The following LGALS14 variants were observed in gnomAD, a reference collection of about 807,000 sequenced individuals.
LGALS14 encodes the protein placental protein 13-like.
Under a neutral mutation model 14.6 loss-of-function variants are expected in LGALS14, and 14 were observed. The ratio of observed to expected loss-of-function variants is 0.96; its 90% confidence interval spans 0.64 to 1.50. The LOEUF (loss-of-function observed/expected upper bound fraction) is 1.50, where lower values mean the gene tolerates loss of function less well. LGALS14 is among the 40% of genes most tolerant of loss of function. The probability of loss-of-function intolerance (pLI) is 0.00; values close to 1 mark genes in which losing one functional copy is unlikely to be tolerated. For synonymous variants in LGALS14, 57 were observed against 63.9 expected, an observed-to-expected ratio of 0.89 and a Z score of 0.51; for missense variants, 180 against 172.0, an observed-to-expected ratio of 1.05 and a Z score of -0.26.
intron 2 of LGALS14, 90 bp from the exon 3 acceptor site, chr19:39,707,088 G>T: frequency 9.5e-7 from 1 of 1,051,940 alleles, no homozygotes; most frequent in South Asian, 1.3e-5. Flanking sequence ...TTTTGCCCTG[G>T]GTAAAGGGGG....
At chr19:39,708,736 C>G (rs1973754527) in intron 3 of LGALS14, among the ~76,000 whole-genome samples, 1 of 152,156 alleles carries the variant, frequency 6.6e-6, no homozygotes, top group African/African-American at 2.4e-5. Flanking sequence ...TCATTCTTTG[C>G]CACTAACACC....
intron 2 of LGALS14, 54 bp downstream of exon 2, chr19:39,706,727 G>T: frequency 2.1e-6 from 3 of 1,422,992 alleles, no homozygotes; most frequent in Non-Finnish European, 3.0e-6. Flanking sequence ...GAGAATATTT[G>T]CTAAGGGTTT....
chr19:39,706,176 T>C (rs371126680), intron 1 of LGALS14, among the ~76,000 whole-genome samples: 1 of 152,176 alleles, frequency 6.6e-6, no homozygotes, highest in South Asian at 2.1e-4. Context: ...TCAGGAGGAC[T>C]CCCCTGTTCT....
rs1009020039 is a variant in LGALS14 at position 39,709,238 on chromosome 19, A to T, written c.345A>T (p.Arg115=). 1.9e-6 allele frequency: 3 copies of T among 1,613,550 alleles called. No individual in the cohort carries two copies. The highest frequency in any genetic ancestry group is 2.5e-6 in the Non-Finnish European group (3 of 1,179,700). The change falls in exon 4 of 4, where the codon CGA becomes CGT. Residue 115 remains arginine, a synonymous_variant. Coordinates refer to ENST00000392052, the MANE Select transcript of LGALS14 (RefSeq NM_020129.3). ...NGQRIYNFAH[R]FPPASVKMLQ... ...AACGCATTTACAACTTTGCCCATCG[A>T]TTCCCGCCAGCATCTGTGAAGATGC...
chr19:39,708,439 C>T (rs1292499114), intron 3 of LGALS14, among the ~76,000 whole-genome samples: 1 of 151,822 alleles, frequency 6.6e-6, no homozygotes, highest in African/African-American at 2.4e-5. Flanking sequence ...TTTCCCAATA[C>T]TTATACTGGA....
chr19:39,707,148 T>G, intron 2 of LGALS14, 30 bp from the exon 3 acceptor site: 1 of 1,558,102 alleles, frequency 6.4e-7, no homozygotes, highest in Non-Finnish European at 8.9e-7. Context: ...TGGGGGGACC[T>G]GCCCAACATG....
rs777143589 is a variant in LGALS14, at chr19:39,707,260, G to A, written c.175G>A (p.Gly59Ser). 2 of 1,614,094 alleles carry A rather than the reference G, an allele frequency of 1.2e-6. No homozygotes were observed. The highest frequency in any genetic ancestry group is 1.7e-6 in the Non-Finnish European group (2 of 1,179,934). The change falls in exon 3 of 4, where the codon GGT (glycine) becomes AGT (serine). Residue 59 changes from glycine to serine, a missense_variant. Coordinates refer to ENST00000392052, the MANE Select transcript of LGALS14 (RefSeq NM_020129.3). ...TGCTTTCCAATTCCGACTGCACTTT[G>A]GTCATCCTGCAATCATGAACAGTTG... ...DIAFQFRLHF[G>S]HPAIMNSCVF...
Position 39,709,093 on chromosome 19 carries a change from G to A in LGALS14, c.304-104G>A, listed in dbSNP as rs1973759366. On this transcript the variant is annotated intron_variant, in intron 3 of 3. Transcript: ENST00000392052. ...TCTACTAGGTTCACTTGTGTAACTAGGAGTTTTCATGGGGAAGGTTATTTG... is the reference window on the plus strand; with the variant it reads ...TCTACTAGGTTCACTTGTGTAACTAAGAGTTTTCATGGGGAAGGTTATTTG... The A allele has an allele frequency of 1.3e-5, 10 of 778,820 alleles. No individual in the cohort carries two copies. The South Asian group carries it at 1.4e-4, about 11-fold the overall frequency. The allele number at this position is 778,820 out of a possible 1,614,324, so 48.2% of individuals were successfully genotyped here. A position where few individuals can be genotyped will look rare whatever the true frequency, so the allele number is the denominator to read the frequency against.
chr19:39,707,368 G>A lies in LGALS14; in HGVS notation c.283G>A (p.Val95Met). 6.2e-7 allele frequency: 1 copy of A among 1,614,040 alleles called. No homozygotes were observed. The highest frequency in any genetic ancestry group is 8.5e-7 in the Non-Finnish European group (1 of 1,179,920). ...DGKPFELCIY[V>M]RHKEYKVMVN... Reference sequence around the variant, plus strand: ...CAAACCATTTGAGCTGTGCATCTATGTGCGTCACAAGGAATACAAGGTGAG... The same window carrying A: ...CAAACCATTTGAGCTGTGCATCTATATGCGTCACAAGGAATACAAGGTGAG... Residue 95 changes from valine (V) to methionine (M), a missense_variant, in exon 3 of 4, where the codon GTG becomes ATG. Val to Met is a conservative substitution (Grantham distance 21). Transcript: ENST00000392052.
intron 3 of LGALS14, 44 bp from the exon 4 acceptor site, chr19:39,709,153 G>C (rs751734737): frequency 8.1e-7 from 1 of 1,236,506 alleles, no homozygotes; most frequent in Non-Finnish European, 1.2e-6. Flanking sequence ...CTGAAAACCT[G>C]TTTGGTGGCA....
chr19:39,705,741 G>A (rs1358387971), intron 1 of LGALS14: 4 of 667,582 alleles, frequency 6.0e-6, no homozygotes, highest in Middle Eastern at 4.3e-4. Flanking sequence ...ACACAAGAGG[G>A]GGCAGATGTG....
chr19:39,705,207 G>A (rs987472164), intron 1 of LGALS14, among the ~76,000 whole-genome samples: 1 of 152,106 alleles, frequency 6.6e-6, no homozygotes, highest in Non-Finnish European at 1.5e-5. Context: ...TTATGAGAGC[G>A]AAATATATCA....
intron 3 of LGALS14, 99 bp downstream of exon 3, chr19:39,707,487 C>G (rs1453247043): frequency 7.8e-6 from 7 of 896,548 alleles, no homozygotes; most frequent in African/African-American, 1.6e-5. Flanking sequence ...TGGGGCCCAT[C>G]TTCCATAACT....
chr19:39,707,273 T>C lies in LGALS14; in HGVS notation c.188T>C (p.Ile63Thr), dbSNP rs1462713531. Residue 63 changes from isoleucine to threonine, a missense_variant, in exon 3 of 4, where the codon ATC becomes ACC. Transcript: ENST00000392052. ...QFRLHFGHPA[I>T]MNSCVFGIWR... ...CGACTGCACTTTGGTCATCCTGCAA[T>C]CATGAACAGTTGTGTGTTTGGCATA... is the stretch of plus-strand genomic sequence containing the variant. 3 of 1,614,094 alleles carry C rather than the reference T, an allele frequency of 1.9e-6. No homozygotes were observed. In the South Asian group the frequency reaches 3.3e-5, roughly 18 times the overall value.
intron 1 of LGALS14, chr19:39,705,841 T>C: frequency 6.3e-7 from 1 of 1,599,062 alleles, no homozygotes; most frequent in South Asian, 1.1e-5. Context: ...CAAGACCCTA[T>C]CTCAAAAATA....
chr19:39,707,498 A>C (rs1973733153), intron 3 of LGALS14, 110 bp downstream of exon 3: 3 of 851,824 alleles, frequency 3.5e-6, no homozygotes, highest in Non-Finnish European at 5.8e-6. Flanking sequence ...TTCCATAACT[A>C]TTCCTGTTTC....
At chr19:39,708,167 T>G (rs78695735) in intron 3 of LGALS14, among the ~76,000 whole-genome samples, 2,027 of 152,312 alleles carry the variant, frequency 0.013, 60 homozygotes, top group African/African-American at 0.046. Context: ...TTGCATTTGT[T>G]TTTAAGCAAA....
At chr19:39,706,033 G>A (rs750721984) in intron 1 of LGALS14, 10 of 1,611,668 alleles carry the variant, frequency 6.2e-6, no homozygotes, top group Non-Finnish European at 8.5e-6. Context: ...CCACACACAG[G>A]GGTTTCCTGT....
chr19:39,706,802 GC>G (rs1973721013), intron 2 of LGALS14, 129 bp downstream of exon 2: 1 of 802,726 alleles, frequency 1.2e-6, no homozygotes, highest in Admixed American at 1.9e-5. Context: ...GCAAGTGCAG[GC>G]CCTGGAGACC....
Sources: gnomAD v4.1 joint callset for allele counts (sites outside exome capture counted in the v4.1 genomes callset) on GRCh38, gnomAD v4.1.1 for gene constraint, MANE v1.5 for transcripts, NCBI Gene and HGNC (gene_info 2026-07-23, HGNC 2026-07-21) for gene names.